SMTNL1: variants seen among roughly 807,000 people sequenced by gnomAD.
The protein encoded by SMTNL1 is smoothelin-like protein 1.
A neutral mutation model predicts 46.6 loss-of-function variants in SMTNL1; 41 were observed. That is an observed-to-expected ratio of 0.88 (90% confidence interval 0.69 to 1.14). The LOEUF (loss-of-function observed/expected upper bound fraction) is 1.14, where lower values mean the gene tolerates loss of function less well. SMTNL1 is among the 50% of genes most tolerant of loss of function. The pLI, the probability that SMTNL1 is intolerant of heterozygous loss-of-function variation, is 0.00. For synonymous variants in SMTNL1, 234 were observed against 234.2 expected (o/e 1.00, Z 0.01); for missense variants, 591 against 626.1 (o/e 0.94, Z 0.60).
At chr11:57,549,934 G>T in intron 7 of SMTNL1, 34 bp from the exon 8 acceptor site, 5 of 1,611,190 alleles carry the variant, frequency 3.1e-6, no homozygotes, top group South Asian at 1.1e-5. Flanking sequence ...CTTCACCTTT[G>T]ACCTTCTGCT....
Position 57,546,277 on chromosome 11 carries a change from C to T in SMTNL1, c.1118C>T (p.Ala373Val). 2 of 1,610,542 alleles carry T rather than the reference C, an allele frequency of 1.2e-6. No individual in the cohort carries two copies. The highest frequency in any genetic ancestry group is 1.7e-6 in the Non-Finnish European group (2 of 1,178,594). ...GCCTTGTTCCGCAACACTAAGGCAGCCGGGGCAGCCATTGGTGGTGTCAAG... is the reference window on the plus strand; with the variant it reads ...GCCTTGTTCCGCAACACTAAGGCAGTCGGGGCAGCCATTGGTGGTGTCAAG... The part of the protein sequence containing the change: ...PTALFRNTKA[A>V]GAAIGGVKNM... Residue 373 changes from alanine to valine, a missense_variant, in exon 6 of 8, where the codon GCC becomes GTC. Coordinates refer to ENST00000527972, the MANE Select transcript of SMTNL1 (RefSeq NM_001105565.3).
Position 57,543,194 on chromosome 11 carries a change from G to C in SMTNL1, c.552G>C (p.Glu184Asp). The C allele has an allele frequency of 1.9e-6, 3 of 1,613,904 alleles. No homozygotes were observed. The highest frequency in any genetic ancestry group is 2.5e-6 in the Non-Finnish European group (3 of 1,179,848). Reference protein sequence around the residue: ...ASQEETGQRKECSTEPKEKAT... With the variant: ...ASQEETGQRKDCSTEPKEKAT... The stretch of plus-strand genomic sequence containing the variant: ...AGGAGGAGACAGGCCAGAGGAAAGA[G>C]TGCAGCACTGAACCCAAGGAGAAGG... The change falls in exon 2 of 8, where the codon GAG becomes GAC. Residue 184 changes from glutamate (E) to aspartate (D), a missense_variant. Coordinates refer to ENST00000527972, the MANE Select transcript of SMTNL1 (RefSeq NM_001105565.3).
At chr11:57,540,112 G>GA (rs200198895) in intron 1 of SMTNL1, among the ~76,000 whole-genome samples, 24 of 147,268 alleles carry the variant, frequency 1.6e-4, no homozygotes, top group Non-Finnish European at 2.6e-4. Context: ...ACAAAGGGAG[G>GA]AAAAAAAAAA....
chr11:57,541,568 A>G, intron 1 of SMTNL1: 2 of 1,366,476 alleles, frequency 1.5e-6, no homozygotes, highest in South Asian at 2.3e-5. Flanking sequence ...GTACGGCTCC[A>G]TTCTTCACTC....
chr11:57,543,339 G>T lies in SMTNL1; in HGVS notation c.697G>T (p.Asp233Tyr). ...CAAACATGGTGCAAAAGAGGAGGCT[G>T]ATGCAAAAGAGGAGGCGGAGGATGC... ...EAKHGAKEEA[D>Y]AKEEAEDAEE... Residue 233 changes from aspartate (D) to tyrosine (Y), a missense_variant, in exon 2 of 8, where the codon GAT (aspartate) becomes TAT (tyrosine). Coordinates refer to ENST00000527972, the MANE Select transcript of SMTNL1 (RefSeq NM_001105565.3). 6.2e-7 allele frequency: 1 copy of T among 1,613,954 alleles called. No homozygotes were observed. The highest frequency in any genetic ancestry group is 1.7e-5 in the Admixed American group (1 of 60,006).
chr11:57,546,345 G>T lies in SMTNL1; in HGVS notation c.1186G>T (p.Glu396Ter). ...EWCRAMTKKYEHVDIQNFSSS... is the reference protein window; with the variant it reads ...EWCRAMTKKY ...GTGCCGAGCCATGACAAAAAAATAC[G>T]AGGTGGGCATGGGGCAGAGCTGCGT... Residue 396 changes from glutamate to a stop codon, truncating the protein, a stop_gained and splice_region_variant, in exon 6 of 8, where the codon GAG becomes TAG. Transcript: ENST00000527972. LOFTEE classifies it high-confidence loss of function. 1.2e-6 allele frequency: 2 copies of T among 1,606,618 alleles called. No homozygotes were observed. The highest frequency in any genetic ancestry group is 1.7e-6 in the Non-Finnish European group (2 of 1,176,632).
chr11:57,539,381 A>G (rs1392087626), intron 1 of SMTNL1, among the ~76,000 whole-genome samples: 1 of 152,102 alleles, frequency 6.6e-6, no homozygotes, highest in Non-Finnish European at 1.5e-5. Flanking sequence ...TGACTGGAGC[A>G]CTCAGCTATG....
At position 57,545,290 on chromosome 11, in the gene SMTNL1, C is replaced by G; in HGVS notation, c.918-591C>G. Among the ~76,000 whole-genome samples the G allele has an allele frequency of 2.0e-5, 3 of 151,980 alleles. 1 individual carries two copies. The East Asian group carries it at 5.8e-4, about 29-fold the overall frequency. ...CTAAGGCTCAAACAATGTGACAGTC[C>G]CAAGATCACACAGCAAATAAGAGGC... On this transcript the variant is annotated intron_variant, in intron 4 of 7. Coordinates refer to ENST00000527972, the MANE Select transcript of SMTNL1 (RefSeq NM_001105565.3).
chr11:57,541,476 CTCCGAGT>C, intron 1 of SMTNL1: 2 of 1,366,374 alleles, frequency 1.5e-6, no homozygotes, highest in Non-Finnish European at 2.0e-6. Flanking sequence ...AAATAGGAAA[CTCCGAGT>C]TAAGATGTCA....
chr11:57,544,170 A>G (rs1163072145), intron 4 of SMTNL1, among the ~76,000 whole-genome samples: 3 of 152,250 alleles, frequency 2.0e-5, no homozygotes, highest in Non-Finnish European at 4.4e-5. Context: ...ACCTGAGGTC[A>G]TGAGTTCGAG....
intron 4 of SMTNL1, 22 bp from the exon 5 acceptor site, chr11:57,545,859 G>A (rs765035648): frequency 8.2e-6 from 13 of 1,592,876 alleles, no homozygotes; most frequent in South Asian, 1.1e-5. Flanking sequence ...TCTCTCACAC[G>A]TCTTTGGACT....
At position 57,543,274 on chromosome 11, in the gene SMTNL1, C is replaced by A. The variant is rs758545804; in HGVS notation, c.632C>A (p.Ala211Asp). Residue 211 changes from alanine (A) to aspartate (D), a missense_variant, in exon 2 of 8, where the codon GCT (alanine) becomes GAT (aspartate). Physicochemically the swap from Ala to Asp is moderately radical, Grantham distance 126. Transcript: ENST00000527972. Reference sequence around the variant, plus strand: ...CAGAAGGCTGTTGTGGAGGATGAGGCTAAGGCTGAACCCAAGGAGCCCGAT... The same window carrying A: ...CAGAAGGCTGTTGTGGAGGATGAGGATAAGGCTGAACCCAAGGAGCCCGAT... ...ESQKAVVEDE[A>D]KAEPKEPDGK... 6.2e-7 allele frequency: 1 copy of A among 1,613,876 alleles called. No homozygotes were observed.
intron 4 of SMTNL1, among the ~76,000 whole-genome samples, chr11:57,545,135 C>A (rs1590803459): frequency 6.6e-6 from 1 of 152,146 alleles, no homozygotes; most frequent in East Asian, 1.9e-4. Flanking sequence ...CTGTGCCCGG[C>A]CTCCTTGTCC....
chr11:57,546,638 C>T lies in SMTNL1; in HGVS notation c.1326C>T (p.Ala442=), dbSNP rs1412657657. The T allele has an allele frequency of 1.2e-6, 2 of 1,613,674 alleles. No individual in the cohort carries two copies. The highest frequency in any genetic ancestry group is 1.7e-6 in the Non-Finnish European group (2 of 1,179,770). The change falls in exon 7 of 8, where the codon GCC becomes GCT. Residue 442 remains alanine, a synonymous_variant. Coordinates refer to ENST00000527972, the MANE Select transcript of SMTNL1 (RefSeq NM_001105565.3). The part of the protein sequence containing the change: ...PAKRRHNFTL[A]FSTAEKLADC... Reference sequence around the variant, plus strand: ...AGCGCCGGCACAACTTCACCCTGGCCTTCTCCACAGCAGAGTAAGCCACAG... The same window carrying T: ...AGCGCCGGCACAACTTCACCCTGGCTTTCTCCACAGCAGAGTAAGCCACAG...
In SMTNL1 at chr11:57,550,156, C is replaced by T. The variant is rs1944947457; in HGVS notation, c.*44C>T. The T allele has an allele frequency of 5.7e-6, 9 of 1,576,112 alleles. No homozygotes were observed. Among genetic ancestry groups the T allele is most frequent in the Non-Finnish European group, 6.9e-6 (8 of 1,160,368 alleles). The stretch of plus-strand genomic sequence containing the variant: ...GGGCAGAGATGGGCAGGGTGCCCAG[C>T]TCAGCAGCCACGGCCCGGGGGTTCC... On this transcript the variant is annotated 3_prime_UTR_variant, in exon 8 of 8. Coordinates refer to ENST00000527972, the MANE Select transcript of SMTNL1 (RefSeq NM_001105565.3).
chr11:57,541,475 A>G (rs1284325766), intron 1 of SMTNL1: 2 of 1,366,234 alleles, frequency 1.5e-6, no homozygotes, highest in African/African-American at 1.5e-5. Context: ...TAAATAGGAA[A>G]CTCCGAGTTA....
At chr11:57,543,983 AC>A (rs1427813859) in intron 4 of SMTNL1, 63 bp downstream of exon 4, 1 of 1,495,842 alleles carries the variant, frequency 6.7e-7, no homozygotes, top group Non-Finnish European at 9.1e-7. Context: ...CTCAGCGTCC[AC>A]CATCAACTCA....
chr11:57,549,253 T>A (rs1412689251), intron 7 of SMTNL1, among the ~76,000 whole-genome samples: 1 of 152,182 alleles, frequency 6.6e-6, no homozygotes, highest in Non-Finnish European at 1.5e-5. Flanking sequence ...CTCAAACTCC[T>A]GACCTCAGGT....
intron 1 of SMTNL1, chr11:57,541,522 T>G: frequency 7.3e-7 from 1 of 1,367,470 alleles, no homozygotes; most frequent in Non-Finnish European, 9.8e-7. Flanking sequence ...CCGGGGGCAG[T>G]TGGAGAGTCA....
Sources: allele counts gnomAD v4.1 joint callset (sites outside exome capture counted in the v4.1 genomes callset), GRCh38; gene constraint gnomAD v4.1.1; transcripts MANE v1.5; gene names NCBI Gene and HGNC (gene_info 2026-07-23, HGNC 2026-07-21).